The following TTC17 variants were observed in gnomAD, a reference collection of about 807,000 sequenced individuals.
TTC17 encodes the protein tetratricopeptide repeat protein 17.
TTC17 carries 58 observed loss-of-function variants against 143.8 expected under a neutral mutation model. The ratio of observed to expected loss-of-function variants is 0.40; its 90% CI spans 0.33 to 0.50. The LOEUF is 0.50. Among genes scored for constraint, TTC17 ranks in the 20% least tolerant of loss-of-function variants. The probability of loss-of-function intolerance (pLI) is 0.49; values close to 1 mark genes in which losing one functional copy is unlikely to be tolerated. For synonymous variants in TTC17, 501 were observed against 497.8 expected (o/e 1.01, Z -0.09); for missense variants, 1,273 against 1,392.5 (o/e 0.91, Z 1.37).
chr11:43,461,658 CAT>C (rs1016928893), intron 21 of TTC17, among the ~76,000 whole-genome samples: 13 of 152,036 alleles, frequency 8.6e-5, no homozygotes, highest in African/African-American at 2.9e-4. Context: ...CACTGGGAAA[CAT>C]ATGTAAATGA....
chr11:43,461,411 A>C lies in TTC17; in HGVS notation c.3030+10146A>C, dbSNP rs965593278. On this transcript the variant is annotated intron_variant, in intron 21 of 23. Transcript: ENST00000039989. The stretch of plus-strand genomic sequence containing the variant: ...GTCTCAAAAAAAAAAAAAAAAAAAA[A>C]AAAAACTAGAAGCCATTGTAACAAC... Among the ~76,000 whole-genome samples, 92 of 150,308 alleles carry C rather than the reference A, an allele frequency of 6.1e-4. 1 individual carries two copies. The highest frequency in any genetic ancestry group is 1.2e-3 in the Non-Finnish European group (81 of 67,494).
chr11:43,379,811 G>A (rs868377198), intron 2 of TTC17, among the ~76,000 whole-genome samples: 22 of 152,136 alleles, frequency 1.4e-4, no homozygotes, highest in African/African-American at 2.4e-4. Context: ...TTGAAAGCTC[G>A]AATCTTATTA....
chr11:43,426,837 A>G (rs977764650), intron 16 of TTC17, among the ~76,000 whole-genome samples: 6 of 152,204 alleles, frequency 3.9e-5, no homozygotes, highest in East Asian at 3.8e-4. Context: ...GCCTTGCTCT[A>G]TATCCTTGCT....
chr11:43,377,810 C>A (rs572579934), intron 1 of TTC17, among the ~76,000 whole-genome samples: 123 of 152,270 alleles, frequency 8.1e-4, no homozygotes, highest in African/African-American at 2.9e-3. Context: ...ATAGTTCTTT[C>A]AATCTTCATT....
At chr11:43,384,106 C>T (rs1018951955) in intron 2 of TTC17, among the ~76,000 whole-genome samples, 1 of 150,762 alleles carries the variant, frequency 6.6e-6, no homozygotes, top group African/African-American at 2.4e-5. Context: ...GATAGTACCA[C>T]CGCACTCCAG....
intron 16 of TTC17, chr11:43,436,130 C>G: frequency 1.5e-6 from 2 of 1,301,296 alleles, no homozygotes; most frequent in South Asian, 2.7e-5. Context: ...AGAGATATTT[C>G]TAATGTGCTA....
intron 16 of TTC17, among the ~76,000 whole-genome samples, chr11:43,423,654 G>A (rs912895663): frequency 6.6e-5 from 10 of 152,036 alleles, no homozygotes; most frequent in Non-Finnish European, 1.0e-4. Context: ...TATTTAGCTG[G>A]TACATAAAAC....
chr11:43,379,874 A>G (rs929196742), intron 2 of TTC17, among the ~76,000 whole-genome samples: 8 of 152,142 alleles, frequency 5.3e-5, no homozygotes, highest in Non-Finnish European at 1.2e-4. Context: ...CTTTTCTCTA[A>G]CATATTTCCA....
At chr11:43,450,385 C>A in intron 20 of TTC17, 144 bp downstream of exon 20, 2 of 937,216 alleles carry the variant, frequency 2.1e-6, no homozygotes, top group African/African-American at 1.7e-5. Flanking sequence ...TGGGTTTGGG[C>A]CAAGCCTGAT....
chr11:43,386,036 CTT>C (rs1158149245), intron 2 of TTC17, among the ~76,000 whole-genome samples: 2 of 151,306 alleles, frequency 1.3e-5, no homozygotes, highest in East Asian at 1.9e-4. Flanking sequence ...TATTTGAAAA[CTT>C]AGGTATAATG....
intron 3 of TTC17, among the ~76,000 whole-genome samples, chr11:43,390,879 A>G (rs1290689637): frequency 2.0e-5 from 3 of 152,150 alleles, no homozygotes. Flanking sequence ...GTGGAAGTAT[A>G]AATTGGTTTA....
At chr11:43,391,139 C>T (rs760175242) in intron 3 of TTC17, among the ~76,000 whole-genome samples, 68 of 152,224 alleles carry the variant, frequency 4.5e-4, no homozygotes, top group Non-Finnish European at 7.8e-4. Context: ...TGGTTTACGC[C>T]TGTAATCCCA....
At chr11:43,369,748 C>G (rs1003369827) in intron 1 of TTC17, among the ~76,000 whole-genome samples, 12 of 151,930 alleles carry the variant, frequency 7.9e-5, no homozygotes, top group African/African-American at 2.7e-4. Context: ...TCCCGAGTAG[C>G]TGGGACTACA....
At chr11:43,442,206 A>G (rs12295469) in intron 16 of TTC17, among the ~76,000 whole-genome samples, 242 of 152,334 alleles carry the variant, frequency 1.6e-3, no homozygotes, top group African/African-American at 5.7e-3. Context: ...ATACAGTATT[A>G]TAATTTTATG....
chr11:43,379,458 A>T, intron 2 of TTC17, 136 bp downstream of exon 2: 1 of 623,020 alleles, frequency 1.6e-6, no homozygotes, highest in Non-Finnish European at 2.7e-6. Flanking sequence ...ACTACCTGCA[A>T]TGTGTGTGTG....
chr11:43,441,874 G>GTTACTGGGT (rs1947429236), intron 16 of TTC17, among the ~76,000 whole-genome samples: 1 of 152,136 alleles, frequency 6.6e-6, no homozygotes, highest in Non-Finnish European at 1.5e-5. Context: ...ATCACCTTGG[G>GTTACTGGGT]TTACTGGGTT....
At chr11:43,471,162 G>A (rs1198464612) in intron 21 of TTC17, among the ~76,000 whole-genome samples, 1 of 152,180 alleles carries the variant, frequency 6.6e-6, no homozygotes, top group Non-Finnish European at 1.5e-5. Flanking sequence ...GGCTCCACCG[G>A]TGGCCCTAGA....
intron 16 of TTC17, among the ~76,000 whole-genome samples, chr11:43,418,855 C>T (rs1049760914): frequency 2.6e-5 from 4 of 152,098 alleles, no homozygotes; most frequent in East Asian, 3.9e-4. Context: ...CATTTATTAC[C>T]GTAAAATATT....
At chr11:43,436,966 A>G (rs545778803) in intron 16 of TTC17, among the ~76,000 whole-genome samples, 1 of 152,274 alleles carries the variant, frequency 6.6e-6, no homozygotes, top group East Asian at 1.9e-4. Context: ...TTGTTGGGTT[A>G]TCCAGGATCC....
Sources: allele counts gnomAD v4.1 joint callset (sites outside exome capture counted in the v4.1 genomes callset), GRCh38; gene constraint gnomAD v4.1.1; transcripts MANE v1.5; gene names NCBI Gene and HGNC (gene_info 2026-07-23, HGNC 2026-07-21).